THRAP3: variants seen among roughly 807,000 people sequenced by gnomAD.
THRAP3 encodes the protein thyroid hormone receptor associated protein 3.
In THRAP3, 16 loss-of-function variants were observed where a neutral mutation model predicts 101.0. That is an observed-to-expected ratio of 0.16 (90% confidence interval 0.11 to 0.24). THRAP3 has a LOEUF of 0.24. Among genes scored for constraint, THRAP3 ranks in the 10% least tolerant of loss-of-function variants. The pLI is 1.00. For synonymous variants in THRAP3, 407 were observed against 422.6 expected, an observed-to-expected ratio of 0.96 and a Z score of 0.45; for missense variants, 989 against 1,202.7, an observed-to-expected ratio of 0.82 and a Z score of 2.63.
At chr1:36,243,836 C>T (rs1259912296) in intron 1 of THRAP3, among the ~76,000 whole-genome samples, 1 of 143,174 alleles carries the variant, frequency 7.0e-6, no homozygotes, top group African/African-American at 2.6e-5. Context: ...CTGACCCCCA[C>T]ACCTCCCTCC....
Position 36,289,453 on chromosome 1 carries a change from T to C in THRAP3, c.1434T>C (p.Pro478=), listed in dbSNP as rs766319317. Residue 478 remains proline (P), a synonymous_variant, in exon 5 of 12, where the codon CCT becomes CCC. Coordinates refer to ENST00000354618, the MANE Select transcript of THRAP3 (RefSeq NM_005119.4). Reference sequence around the variant, plus strand: ...AATGGGAGGGCCTGGTATATGCACCTCCAGGGAAGGAAAAGCAGAGAAAAA... The same window carrying C: ...AATGGGAGGGCCTGGTATATGCACCCCCAGGGAAGGAAAAGCAGAGAAAAA... ...SGKWEGLVYA[P]PGKEKQRKTE... 2.2e-5 allele frequency: 35 copies of C among 1,613,986 alleles called. No homozygotes were observed. Among genetic ancestry groups the C allele is most frequent in the Non-Finnish European group, 2.7e-5 (32 of 1,180,028 alleles).
intron 2 of THRAP3, among the ~76,000 whole-genome samples, chr1:36,271,157 G>A (rs1484279933): frequency 6.6e-6 from 1 of 152,148 alleles, no homozygotes; most frequent in African/African-American, 2.4e-5. Context: ...TGTCTTATAT[G>A]TATGTCTGTA....
intron 1 of THRAP3, among the ~76,000 whole-genome samples, chr1:36,230,055 A>G (rs892676652): frequency 6.7e-5 from 10 of 149,930 alleles, no homozygotes; most frequent in Admixed American, 4.0e-4. Flanking sequence ...CCTGGGTTCA[A>G]GCGATTGTCC....
At chr1:36,301,476 T>C in intron 10 of THRAP3, 77 bp from the exon 11 acceptor site, 1 of 1,547,396 alleles carries the variant, frequency 6.5e-7, no homozygotes, top group Non-Finnish European at 8.7e-7. Context: ...AGAAAAATGT[T>C]TGAACAAAAA....
intron 7 of THRAP3, among the ~76,000 whole-genome samples, chr1:36,293,051 T>C (rs3007205): frequency 0.98 from 123,779 of 125,702 alleles, 60,990 homozygotes; most frequent in Middle Eastern, 1. Context: ...TTTTTTGAGA[T>C]GGAGTGTTGC....
intron 2 of THRAP3, among the ~76,000 whole-genome samples, chr1:36,273,678 C>G (rs553157258): frequency 6.6e-6 from 1 of 152,106 alleles, no homozygotes; most frequent in East Asian, 1.9e-4. Context: ...ATAGAAAAAC[C>G]TAAGGATTCT....
At chr1:36,247,961 C>T (rs970893672) in intron 1 of THRAP3, among the ~76,000 whole-genome samples, 1 of 150,720 alleles carries the variant, frequency 6.6e-6, no homozygotes, top group Non-Finnish European at 1.5e-5. Context: ...CTCACTGCAA[C>T]CTCCACCTCC....
chr1:36,208,968 T>C, the THRAP3 span, among the ~76,000 whole-genome samples: 4 of 23,396 alleles, frequency 1.7e-4, no homozygotes, highest in African/African-American at 1.2e-3. Context: ...TGTCCAGCCT[T>C]TTTTTTTTTT....
chr1:36,256,135 G>A (rs115152429), intron 1 of THRAP3, among the ~76,000 whole-genome samples: 1,878 of 151,604 alleles, frequency 0.012, 39 homozygotes, highest in African/African-American at 0.042. Flanking sequence ...TCTTGCCTCA[G>A]CCTCCCATAA....
At chr1:36,267,923 TA>T (rs1645534442) in intron 2 of THRAP3, among the ~76,000 whole-genome samples, 1 of 49,726 alleles carries the variant, frequency 2.0e-5, no homozygotes, top group African/African-American at 3.9e-5. Context: ...CTCACGCCTG[TA>T]ATCCTAGTAC....
chr1:36,294,368 C>T (rs151186455), intron 8 of THRAP3: 1 of 346,504 alleles, frequency 2.9e-6, no homozygotes. Flanking sequence ...AACAGCTGGT[C>T]CAGTTTTTTT....
At chr1:36,234,163 C>G (rs1370722250) in intron 1 of THRAP3, among the ~76,000 whole-genome samples, 1 of 152,114 alleles carries the variant, frequency 6.6e-6, no homozygotes, top group Non-Finnish European at 1.5e-5. Flanking sequence ...CCATGTTGCC[C>G]AGGCTGGTCT....
At chr1:36,257,909 C>T (rs1246059741) in intron 1 of THRAP3, among the ~76,000 whole-genome samples, 4 of 152,322 alleles carry the variant, frequency 2.6e-5, no homozygotes, top group Admixed American at 1.3e-4. Flanking sequence ...GGCACGATCT[C>T]GGCACACTGC....
At chr1:36,299,296 G>A (rs929492279) in intron 9 of THRAP3, among the ~76,000 whole-genome samples, 6 of 151,630 alleles carry the variant, frequency 4.0e-5, no homozygotes, top group African/African-American at 7.3e-5. Context: ...AAAATTAGCC[G>A]GGCATGGTGG....
intron 1 of THRAP3, among the ~76,000 whole-genome samples, chr1:36,229,721 C>T (rs1035673312): frequency 1.3e-5 from 2 of 151,946 alleles, no homozygotes; most frequent in Admixed American, 6.6e-5. Flanking sequence ...GGCGCAATCT[C>T]AGCTCACCGC....
intron 11 of THRAP3, among the ~76,000 whole-genome samples, chr1:36,303,112 ATTTTTTTTTTTTT>A (rs397936228): frequency 8.0e-6 from 1 of 125,148 alleles, no homozygotes; most frequent in East Asian, 2.3e-4. Context: ...TGCCTGGCTA[ATTTTTTTTTTTTT>A]TTTTTTTTTT....
At chr1:36,241,292 G>C (rs1645153637) in intron 1 of THRAP3, among the ~76,000 whole-genome samples, 1 of 149,710 alleles carries the variant, frequency 6.7e-6, no homozygotes, top group Admixed American at 6.7e-5. Context: ...ATTCTCTTTA[G>C]AGTACTTCAG....
At chr1:36,246,600 T>G (rs1366264797) in intron 1 of THRAP3, among the ~76,000 whole-genome samples, 6 of 152,146 alleles carry the variant, frequency 3.9e-5, no homozygotes, top group Admixed American at 3.9e-4. Context: ...CCCAGCACTT[T>G]GGGAGGCTGA....
At chr1:36,284,187 A>AT (rs1645767708) in intron 3 of THRAP3, among the ~76,000 whole-genome samples, 1 of 152,248 alleles carries the variant, frequency 6.6e-6, no homozygotes, top group Non-Finnish European at 1.5e-5. Flanking sequence ...ACTCTGAAGT[A>AT]TTTATGACAG....
Sources: gnomAD v4.1 joint callset for allele counts (sites outside exome capture counted in the v4.1 genomes callset) on GRCh38, gnomAD v4.1.1 for gene constraint, MANE v1.5 for transcripts, NCBI Gene and HGNC (gene_info 2026-07-23, HGNC 2026-07-21) for gene names.